The following PRIMPOL variants were observed in gnomAD, a reference collection of about 807,000 sequenced individuals.
PRIMPOL encodes the protein primase and DNA directed polymerase.
In PRIMPOL, 54 loss-of-function variants were observed where a neutral mutation model predicts 63.6. The ratio of observed to expected loss-of-function variants is 0.85; its 90% CI spans 0.68 to 1.07. PRIMPOL has a LOEUF of 1.07. PRIMPOL is among the 50% of genes least tolerant of loss of function. The pLI, the probability that PRIMPOL is intolerant of heterozygous loss-of-function variation, is 0.00. For synonymous variants in PRIMPOL, 197 were observed against 220.2 expected, an observed-to-expected ratio of 0.89 and a Z score of 0.93; for missense variants, 610 against 648.3, an observed-to-expected ratio of 0.94 and a Z score of 0.64.
In PRIMPOL at chr4:184,655,510, C is replaced by T. The variant is rs60057275; in HGVS notation, c.-59-1572C>T. Among the ~76,000 whole-genome samples, 1,252 of 151,612 alleles carry T rather than the reference C, an allele frequency of 8.3e-3. 16 individuals carry two copies. Among genetic ancestry groups the T allele is most frequent in the African/African-American group, 0.029 (1,177 of 41,258 alleles). On this transcript the variant is annotated intron_variant, in intron 2 of 13. Transcript: ENST00000314970. ...CTAATTTTTGTATTTTTAGTAGAGA[C>T]GGGGTTTCACCATCTTGGTCAGGCT...
At chr4:184,666,128 T>A in intron 6 of PRIMPOL, 64 bp downstream of exon 6, 1 of 1,324,266 alleles carries the variant, frequency 7.6e-7, no homozygotes, top group Middle Eastern at 2.3e-4. Flanking sequence ...CTTATTCCTC[T>A]TAAAATTTTG....
chr4:184,671,509 G>A (rs1350602295), intron 6 of PRIMPOL, among the ~76,000 whole-genome samples: 1 of 152,038 alleles, frequency 6.6e-6, no homozygotes, highest in Non-Finnish European at 1.5e-5. Flanking sequence ...ATCATTGAAT[G>A]TGAAGATGAG....
At chr4:184,684,522 A>T (rs72703526) in intron 9 of PRIMPOL, among the ~76,000 whole-genome samples, 19,727 of 151,948 alleles carry the variant, frequency 0.13, 1,369 homozygotes, top group Middle Eastern at 0.18. Context: ...AGCTTTTTAG[A>T]TAGAAAATAT....
rs1758521690 is a variant in PRIMPOL, at chr4:184,691,505, G to C, written c.1302G>C (p.Leu434=). ...TTTTTTTTTAAACATAAAGGATTCT[G>C]GTTGATCTGAAAAATGAAGTTTGGT... ...RAHKSNNIMI[L]VDLKNEVWYQ... The change falls in exon 12 of 14, where the codon CTG becomes CTC. Residue 434 remains leucine, a synonymous_variant. Coordinates refer to ENST00000314970, the MANE Select transcript of PRIMPOL (RefSeq NM_152683.4). 2 of 1,583,388 alleles carry C rather than the reference G, an allele frequency of 1.3e-6. No homozygotes were observed. Among genetic ancestry groups the C allele is most frequent in the Non-Finnish European group, 8.6e-7 (1 of 1,157,698 alleles).
chr4:184,664,442 AC>A (rs1452800510), intron 5 of PRIMPOL, among the ~76,000 whole-genome samples: 1 of 152,226 alleles, frequency 6.6e-6, no homozygotes, highest in East Asian at 1.9e-4. Flanking sequence ...CAAGACAGAA[AC>A]CTATTTCTCC....
chr4:184,673,949 G>C (rs1241112351), intron 7 of PRIMPOL, among the ~76,000 whole-genome samples: 1 of 152,190 alleles, frequency 6.6e-6, no homozygotes, highest in East Asian at 1.9e-4. Context: ...CACGGGCAGA[G>C]GCACCTTCTT....
chr4:184,667,525 T>C lies in PRIMPOL; in HGVS notation c.556+1461T>C, dbSNP rs59725905. On this transcript the variant is annotated intron_variant, in intron 6 of 13. Coordinates refer to ENST00000314970, the MANE Select transcript of PRIMPOL (RefSeq NM_152683.4). ...CGGAGTTTCACCAGGTTAGCCAGGA[T>C]GGTCTTGATCCCCTGACCTTGTGAT... Among the ~76,000 whole-genome samples, 747 of 152,302 alleles carry C rather than the reference T, an allele frequency of 4.9e-3. 5 individuals are homozygous for C. The highest frequency in any genetic ancestry group is 0.017 in the African/African-American group (722 of 41,556).
At chr4:184,688,818 C>A (rs1215704741) in intron 11 of PRIMPOL, among the ~76,000 whole-genome samples, 7 of 152,176 alleles carry the variant, frequency 4.6e-5, no homozygotes, top group Admixed American at 1.3e-4. Context: ...TTGGTCCAGA[C>A]GTTCCCCGAT....
chr4:184,688,182 C>CA (rs1757498934), intron 11 of PRIMPOL, among the ~76,000 whole-genome samples: 2 of 152,302 alleles, frequency 1.3e-5, no homozygotes, highest in South Asian at 4.1e-4. Context: ...TAGAGTTTCT[C>CA]AAAGTGGACT....
intron 7 of PRIMPOL, among the ~76,000 whole-genome samples, chr4:184,676,323 T>TCCC (rs1753334464): frequency 9.1e-6 from 1 of 109,888 alleles, no homozygotes; most frequent in Non-Finnish European, 1.8e-5. Flanking sequence ...TCCCTTCCCT[T>TCCC]TCCTTCCCTT....
In PRIMPOL at chr4:184,672,301, T is replaced by C; in HGVS notation, c.685T>C (p.Ser229Pro). The stretch of plus-strand genomic sequence containing the variant: ...AGAAGCACCTGCAAGACAAGGATTT[T>C]CTTTCAATAAAATGTTCACAGAAAA... ...FSEAPARQGF[S>P]FNKMFTEKAT... The change falls in exon 7 of 14, where the codon TCT (serine) becomes CCT (proline). Residue 229 changes from serine (S) to proline (P), a missense_variant. Ser to Pro is a moderately conservative substitution (Grantham distance 74). This residue lies in a region of PRIMPOL where 444 missense variants were observed against 456.4 expected (regional missense o/e 0.97). Coordinates refer to ENST00000314970, the MANE Select transcript of PRIMPOL (RefSeq NM_152683.4). 6.2e-7 allele frequency: 1 copy of C among 1,614,146 alleles called. No homozygotes were observed. The highest frequency in any genetic ancestry group is 8.5e-7 in the Non-Finnish European group (1 of 1,180,038).
chr4:184,694,938 T>G lies in PRIMPOL; in HGVS notation c.*159T>G. The G allele has an allele frequency of 1.6e-6, 1 of 617,512 alleles. No individual in the cohort carries two copies. Among genetic ancestry groups the G allele is most frequent in the Non-Finnish European group, 2.7e-6 (1 of 365,696 alleles). The allele number at this position is 617,512 out of a possible 1,614,324, so 38.3% of individuals were successfully genotyped here. On this transcript the variant is annotated 3_prime_UTR_variant, in exon 14 of 14. Transcript: ENST00000314970. ...TCTGTAAACCAATTTCATTAAAAAT[T>G]AGCTTTGGTGTAAATTCAGGAGAAA...
At chr4:184,651,072 G>A (rs549769766) in intron 1 of PRIMPOL, among the ~76,000 whole-genome samples, 1 of 152,146 alleles carries the variant, frequency 6.6e-6, no homozygotes, top group South Asian at 2.1e-4. Flanking sequence ...GGTGGATCAC[G>A]AGGTCAGGAG....
chr4:184,685,349 C>A, intron 9 of PRIMPOL, 60 bp from the exon 10 acceptor site: 1 of 1,272,320 alleles, frequency 7.9e-7, no homozygotes, highest in South Asian at 1.2e-5. Flanking sequence ...AACATTTAAT[C>A]AAAATTTAAC....
At chr4:184,694,116 C>A in intron 13 of PRIMPOL, 1 of 539,722 alleles carries the variant, frequency 1.9e-6, no homozygotes, top group Non-Finnish European at 2.4e-6. Flanking sequence ...TTTTTTCAAT[C>A]CATGTTTACG....
At chr4:184,687,341 G>C (rs1410821243) in intron 11 of PRIMPOL, among the ~76,000 whole-genome samples, 4 of 152,214 alleles carry the variant, frequency 2.6e-5, no homozygotes, top group African/African-American at 9.6e-5. Context: ...AAAGTGCTGG[G>C]ATTACAGGTG....
chr4:184,657,473 T>C (rs1345694850), intron 3 of PRIMPOL, 153 bp downstream of exon 3: 1 of 579,322 alleles, frequency 1.7e-6, no homozygotes, highest in Non-Finnish European at 2.9e-6. Flanking sequence ...TTAATGGCAA[T>C]CTTAATGGCA....
intron 6 of PRIMPOL, among the ~76,000 whole-genome samples, chr4:184,667,605 T>C (rs142159240): frequency 0.023 from 3,496 of 151,566 alleles, 124 homozygotes; most frequent in African/African-American, 0.076. Context: ...CCACCGTGCC[T>C]GGCCGAAAGT....
At chr4:184,674,898 C>A (rs975542206) in intron 7 of PRIMPOL, among the ~76,000 whole-genome samples, 1 of 152,202 alleles carries the variant, frequency 6.6e-6, no homozygotes, top group Non-Finnish European at 1.5e-5. Context: ...ACATGTCAAG[C>A]AATTCAGCCT....
Sources: gnomAD v4.1 joint callset for allele counts (sites outside exome capture counted in the v4.1 genomes callset) on GRCh38, gnomAD v4.1.1 for gene constraint, gnomAD v4.1.1 regional missense constraint, MANE v1.5 for transcripts, NCBI Gene and HGNC (gene_info 2026-07-23, HGNC 2026-07-21) for gene names.